The following COL11A1 variants were observed in gnomAD, a reference collection of about 807,000 sequenced individuals.
The protein encoded by COL11A1 is collagen type XI alpha 1 chain.
A neutral mutation model predicts 265.2 loss-of-function variants in COL11A1; 74 were observed. The observed-to-expected ratio is 0.28, with a 90% CI of 0.23 to 0.34. The LOEUF (loss-of-function observed/expected upper bound fraction) is 0.34, where lower values mean the gene tolerates loss of function less well. COL11A1 is among the 10% of genes least tolerant of loss of function. The probability of loss-of-function intolerance (pLI) is 1.00; values close to 1 mark genes in which losing one functional copy is unlikely to be tolerated. For synonymous variants in COL11A1, 816 were observed against 727.6 expected, an observed-to-expected ratio of 1.12 and a Z score of -1.96; for missense variants, 2,165 against 2,263.6, an observed-to-expected ratio of 0.96 and a Z score of 0.88.
rs1357790751 is a variant in COL11A1, at chr1:102,921,701, G to T, written c.3655-130C>A. The T allele has an allele frequency of 4.1e-6, 3 of 737,584 alleles. No individual in the cohort carries two copies. The Admixed American group carries it at 7.3e-5, about 18-fold the overall frequency. 45.7% of individuals were successfully genotyped at this position (737,584 alleles called of 1,614,324 possible). On this transcript the variant is annotated intron_variant, in intron 47 of 66. Coordinates refer to ENST00000370096, the MANE Select transcript of COL11A1 (RefSeq NM_001854.4). ...ACTATAGTTAGTGAAGCACATCAGG[G>T]TTATAAGTCATCCTTCATGGATACA...
In COL11A1 at chr1:102,898,743, T is replaced by C. The variant is rs2100923419; in HGVS notation, c.4171A>G (p.Lys1391Glu). 6.2e-7 allele frequency: 1 copy of C among 1,613,250 alleles called. No individual in the cohort carries two copies. Residue 1391 changes from lysine to glutamate, a missense_variant, in exon 56 of 67, where the codon AAA becomes GAA. Physicochemically the swap from Lys to Glu is moderately conservative, Grantham distance 56. Coordinates refer to ENST00000370096, the MANE Select transcript of COL11A1 (RefSeq NM_001854.4). ...CCCTGAGGACCGACTGGGCCGGTTT[T>C]TCCAGGAGGACCTTCTGCACCTGCT... is the stretch of plus-strand genomic sequence containing the variant. ...GEAGAEGPPG[K>E]TGPVGPQGPA... is the part of the protein sequence containing the mutation.
chr1:103,053,855 C>T (rs1431969778), intron 4 of COL11A1, among the ~76,000 whole-genome samples: 1 of 152,182 alleles, frequency 6.6e-6, no homozygotes, highest in East Asian at 1.9e-4. Context: ...CTAAAAGATA[C>T]TATCATGTAA....
At chr1:102,913,285 G>A (rs551695836) in intron 53 of COL11A1, among the ~76,000 whole-genome samples, 1 of 152,148 alleles carries the variant, frequency 6.6e-6, no homozygotes, top group South Asian at 2.1e-4. Context: ...GCTAATGATG[G>A]GATAATAACT....
At chr1:103,055,348 T>C (rs1670161489) in intron 4 of COL11A1, among the ~76,000 whole-genome samples, 1 of 152,210 alleles carries the variant, frequency 6.6e-6, no homozygotes, top group African/African-American at 2.4e-5. Flanking sequence ...TCTGCTTAAG[T>C]TCATATTTTA....
intron 7 of COL11A1, among the ~76,000 whole-genome samples, chr1:103,024,028 CAT>C (rs1396983681): frequency 6.6e-6 from 1 of 151,966 alleles, no homozygotes. Flanking sequence ...CTTTTTTTCT[CAT>C]AATTCCTTAC....
intron 4 of COL11A1, among the ~76,000 whole-genome samples, chr1:103,059,412 T>TA (rs113458421): frequency 0.031 from 4,704 of 150,776 alleles, 283 homozygotes; most frequent in African/African-American, 0.11. Context: ...AAGGGCTTAT[T>TA]AAAAAAAAAC....
chr1:102,887,163 G>A, intron 62 of COL11A1, 107 bp from the exon 63 acceptor site: 2 of 1,411,112 alleles, frequency 1.4e-6, no homozygotes, highest in Admixed American at 1.7e-5. Flanking sequence ...AGTTGGTTTA[G>A]CTTTTCATTA....
rs145693625 is a variant in COL11A1 at position 103,055,640 on chromosome 1, C to T, written c.651+18978G>A. 7.5e-3 allele frequency among the ~76,000 whole-genome samples: 1,142 copies of T among 152,268 alleles called. 39 individuals are homozygous for T. Among genetic ancestry groups the T allele is most frequent in the Admixed American group, 0.067 (1,031 of 15,290 alleles). ...TATCTCTTTAATGGTATACATTAAGCTTGTCCAACCCATGAACCACATCCA... is the reference window on the plus strand; with the variant it reads ...TATCTCTTTAATGGTATACATTAAGTTTGTCCAACCCATGAACCACATCCA... On this transcript the variant is annotated intron_variant, in intron 4 of 66. Transcript: ENST00000370096.
At position 103,015,658 on chromosome 1, in the gene COL11A1, A is replaced by C. The variant is rs2101904606; in HGVS notation, c.1488+10T>G. 2 of 1,595,284 alleles carry C rather than the reference A, an allele frequency of 1.3e-6. No homozygotes were observed. The highest frequency in any genetic ancestry group is 2.2e-5 in the South Asian group (2 of 89,280). ...ATCAAGTCATCTCTATAACATAAAA[A>C]AGAACATACCGGTAACATCAACATA... On this transcript the variant is annotated intron_variant, in intron 12 of 66. Transcript: ENST00000370096.
At chr1:102,970,949 G>A (rs1198127602) in intron 36 of COL11A1, among the ~76,000 whole-genome samples, 2 of 152,032 alleles carry the variant, frequency 1.3e-5, no homozygotes, top group African/African-American at 2.4e-5. Flanking sequence ...GGGAGGCGGA[G>A]GTTGCAGTGA....
At chr1:103,103,972 T>C (rs1162884361) in intron 1 of COL11A1, among the ~76,000 whole-genome samples, 5 of 152,056 alleles carry the variant, frequency 3.3e-5, no homozygotes, top group African/African-American at 1.2e-4. Flanking sequence ...ATCTTCACTC[T>C]ACTCAGAAAA....
chr1:102,932,890 CT>C (rs1657656994), intron 46 of COL11A1, among the ~76,000 whole-genome samples: 1 of 151,570 alleles, frequency 6.6e-6, no homozygotes, highest in Non-Finnish European at 1.5e-5. Flanking sequence ...GCATCGGCTC[CT>C]GAGGCTTCTG....
chr1:102,912,479 C>T (rs1012825778), intron 53 of COL11A1, among the ~76,000 whole-genome samples: 4 of 152,098 alleles, frequency 2.6e-5, no homozygotes, highest in Admixed American at 6.6e-5. Context: ...TTAAAAAGTG[C>T]TAATTTATAT....
At chr1:102,980,492 A>G (rs1317832176) in intron 31 of COL11A1, among the ~76,000 whole-genome samples, 1 of 152,116 alleles carries the variant, frequency 6.6e-6, no homozygotes, top group Admixed American at 6.6e-5. Context: ...GACCCTGAAA[A>G]GGAAGAAGTG....
rs549083018 is a variant in COL11A1, at chr1:102,887,894, G to A, written c.4608+683C>T. ...ACCACAAGCCAAGAAGAGAAGTGCA[G>A]AACAGACCCTTCCGCCATGGACCTC... On this transcript the variant is annotated intron_variant, in intron 62 of 66. Coordinates refer to ENST00000370096, the MANE Select transcript of COL11A1 (RefSeq NM_001854.4). Among the ~76,000 whole-genome samples the A allele has an allele frequency of 3.3e-5, 5 of 152,246 alleles. No individual in the cohort carries two copies. The East Asian group carries it at 9.7e-4, about 29-fold the overall frequency.
intron 2 of COL11A1, 51 bp downstream of exon 2, chr1:103,082,754 G>T: frequency 6.8e-7 from 1 of 1,471,284 alleles, no homozygotes; most frequent in Non-Finnish European, 9.4e-7. Flanking sequence ...AGTAACAAAA[G>T]TGTAATAACT....
chr1:102,939,874 A>G (rs1327392598), intron 43 of COL11A1, among the ~76,000 whole-genome samples: 1 of 152,126 alleles, frequency 6.6e-6, no homozygotes, highest in African/African-American at 2.4e-5. Context: ...ACACACAGCC[A>G]TACATTTGGA....
At chr1:102,972,305 T>C (rs1435640567) in intron 36 of COL11A1, among the ~76,000 whole-genome samples, 1 of 152,160 alleles carries the variant, frequency 6.6e-6, no homozygotes, top group Non-Finnish European at 1.5e-5. Flanking sequence ...AAGCTGTAAA[T>C]ATAAGATTAA....
At chr1:103,049,413 C>G (rs923034838) in intron 4 of COL11A1, among the ~76,000 whole-genome samples, 2 of 152,024 alleles carry the variant, frequency 1.3e-5, no homozygotes, top group African/African-American at 2.4e-5. Flanking sequence ...CAGAGACTAG[C>G]ATTGCAACCC....
Sources: allele counts gnomAD v4.1 joint callset (sites outside exome capture counted in the v4.1 genomes callset), GRCh38; gene constraint gnomAD v4.1.1; transcripts MANE v1.5; gene names NCBI Gene and HGNC (gene_info 2026-07-23, HGNC 2026-07-21).